The following PCCA variants were observed in gnomAD, a reference collection of about 807,000 sequenced individuals.
The protein encoded by PCCA is propionyl-CoA carboxylase alpha chain, mitochondrial.
Under a neutral mutation model 101.3 loss-of-function variants are expected in PCCA, and 74 were observed. The ratio of observed to expected loss-of-function variants is 0.73; its 90% CI spans 0.61 to 0.89. PCCA has a LOEUF of 0.89. Among genes scored for constraint, PCCA ranks in the 40% least tolerant of loss-of-function variants. PCCA has a pLI of 0.00. For missense variants in PCCA, 891 were observed against 907.0 expected (o/e 0.98, Z 0.23); for synonymous variants, 294 against 313.6 (o/e 0.94, Z 0.66).
intron 12 of PCCA, among the ~76,000 whole-genome samples, chr13:100,275,231 A>G (rs909652618): frequency 6.6e-6 from 1 of 152,046 alleles, no homozygotes; most frequent in Non-Finnish European, 1.5e-5. Flanking sequence ...CCGTGTCTTC[A>G]TGCCTGTGCC....
At chr13:100,091,313 C>T (rs776029884) in intron 1 of PCCA, among the ~76,000 whole-genome samples, 32 of 152,202 alleles carry the variant, frequency 2.1e-4, no homozygotes, top group Non-Finnish European at 2.5e-4. Context: ...GTAATACATA[C>T]GCTTTGATGA....
In PCCA at chr13:100,342,532, T is replaced by G. The variant is rs367869767; in HGVS notation, c.1643+2273T>G. ...ATCCACCCACCTGGGCCTCCCAAAGTGCTGGGATTATAGGCATGAGCCACC... is the reference window on the plus strand; with the variant it reads ...ATCCACCCACCTGGGCCTCCCAAAGGGCTGGGATTATAGGCATGAGCCACC... On this transcript the variant is annotated intron_variant, in intron 18 of 23. Coordinates refer to ENST00000376285, the MANE Select transcript of PCCA (RefSeq NM_000282.4). 9.9e-4 allele frequency among the ~76,000 whole-genome samples: 151 copies of G among 151,908 alleles called. 4 individuals carry two copies. The South Asian group carries it at 0.028, about 29-fold the overall frequency.
rs188032451 is a variant in PCCA at position 100,198,795 on chromosome 13, G to C, written c.469-10537G>C. The stretch of plus-strand genomic sequence containing the variant: ...ATTACAGGAGTGAGCCACCACACCC[G>C]GTCTGCAGTTGCCACATTTAACCTT... On this transcript the variant is annotated intron_variant, in intron 6 of 23. Transcript: ENST00000376285. Among the ~76,000 whole-genome samples the C allele has an allele frequency of 5.3e-5, 8 of 151,818 alleles. No homozygotes were observed. The East Asian group carries it at 1.5e-3, about 29-fold the overall frequency.
chr13:100,098,529 G>C (rs2046983645), intron 1 of PCCA, among the ~76,000 whole-genome samples: 1 of 152,166 alleles, frequency 6.6e-6, no homozygotes, highest in African/African-American at 2.4e-5. Context: ...GAGCTCTCAG[G>C]CTTGATGGAG....
At chr13:100,136,567 G>C (rs370256687) in intron 4 of PCCA, among the ~76,000 whole-genome samples, 6 of 152,208 alleles carry the variant, frequency 3.9e-5, no homozygotes, top group African/African-American at 1.4e-4. Flanking sequence ...ACGTATTCAA[G>C]TTCTTTAATA....
At chr13:100,455,707 C>CT (rs991687197) in intron 21 of PCCA, among the ~76,000 whole-genome samples, 78 of 148,830 alleles carry the variant, frequency 5.2e-4, no homozygotes, top group Admixed American at 1.3e-3. Context: ...TCGTTTCTTT[C>CT]TTTTTTTTTT....
In PCCA at chr13:100,165,036, T is replaced by A. The variant is rs1021499092; in HGVS notation, c.468+7696T>A. 3.3e-5 allele frequency among the ~76,000 whole-genome samples: 5 copies of A among 152,232 alleles called. No individual in the cohort carries two copies. In the East Asian group the frequency reaches 9.6e-4, roughly 29 times the overall value. On this transcript the variant is annotated intron_variant, in intron 6 of 23. Transcript: ENST00000376285. ...TCTTTAAGACTGAATAATAGTCTACTCTGTGGATATACCATATTTTGTTTC... is the reference window on the plus strand; with the variant it reads ...TCTTTAAGACTGAATAATAGTCTACACTGTGGATATACCATATTTTGTTTC...
intron 6 of PCCA, among the ~76,000 whole-genome samples, chr13:100,202,422 A>C (rs2058580534): frequency 6.6e-6 from 1 of 151,848 alleles, no homozygotes; most frequent in Non-Finnish European, 1.5e-5. Context: ...CTTTTGGTAT[A>C]AAATGTTGCT....
intron 21 of PCCA, among the ~76,000 whole-genome samples, chr13:100,504,110 C>T (rs2085891252): frequency 6.6e-6 from 1 of 152,016 alleles, no homozygotes; most frequent in Non-Finnish European, 1.5e-5. Flanking sequence ...TACAATAAGC[C>T]TATAACTATT....
intron 19 of PCCA, among the ~76,000 whole-genome samples, chr13:100,405,362 G>A (rs1263072574): frequency 1.3e-5 from 2 of 152,140 alleles, no homozygotes; most frequent in Admixed American, 6.6e-5. Flanking sequence ...TTGGTTTACA[G>A]GAACAAGCAG....
Position 100,520,187 on chromosome 13 carries a change from A to G in PCCA, c.2040+4620A>G, listed in dbSNP as rs143306689. The stretch of plus-strand genomic sequence containing the variant: ...CCTGTGCCCTTTGTTCACCATTTCC[A>G]TATGTGTTTCAAATTTTATTTAACA... On this transcript the variant is annotated intron_variant, in intron 22 of 23. Transcript: ENST00000376285. Among the ~76,000 whole-genome samples, 366 of 152,312 alleles carry G rather than the reference A, an allele frequency of 2.4e-3. 2 individuals are homozygous for G. Among genetic ancestry groups the G allele is most frequent in the African/African-American group, 8.5e-3 (352 of 41,568 alleles).
At chr13:100,098,399 C>T (rs2046971525) in intron 1 of PCCA, among the ~76,000 whole-genome samples, 1 of 152,032 alleles carries the variant, frequency 6.6e-6, no homozygotes, top group African/African-American at 2.4e-5. Context: ...TCGTGGCTGC[C>T]ATATTGGATG....
chr13:100,251,257 A>G (rs893222307), intron 8 of PCCA, among the ~76,000 whole-genome samples: 2 of 152,258 alleles, frequency 1.3e-5, no homozygotes, highest in Non-Finnish European at 2.9e-5. Context: ...CAGGAAGCTC[A>G]TATACAAAGT....
chr13:100,438,621 G>GC (rs1312355110), intron 20 of PCCA, among the ~76,000 whole-genome samples: 4 of 151,966 alleles, frequency 2.6e-5, no homozygotes, highest in African/African-American at 9.7e-5. Context: ...CCTCTGTAGA[G>GC]CACGTACACC....
chr13:100,490,234 C>G (rs1011847568), intron 21 of PCCA: 3 of 152,226 alleles, frequency 2.0e-5, no homozygotes, highest in African/African-American at 7.2e-5. Context: ...CGCATGTGAT[C>G]TCTGGAGTAG....
At chr13:100,335,894 G>C (rs2152744217) in intron 17 of PCCA, among the ~76,000 whole-genome samples, 1 of 152,318 alleles carries the variant, frequency 6.6e-6, no homozygotes, top group South Asian at 2.1e-4. Context: ...AAAGCTGCCA[G>C]TGGTCAACAA....
At chr13:100,488,078 C>T (rs1427559412) in intron 21 of PCCA, among the ~76,000 whole-genome samples, 3 of 151,744 alleles carry the variant, frequency 2.0e-5, no homozygotes, top group African/African-American at 7.3e-5. Flanking sequence ...CATTCTGCCT[C>T]TGTGCTTTTT....
chr13:100,094,932 C>T (rs945358789), intron 1 of PCCA, among the ~76,000 whole-genome samples: 5 of 152,202 alleles, frequency 3.3e-5, no homozygotes, highest in Admixed American at 3.3e-4. Context: ...TTTCCTAGAG[C>T]TGCTGTACAA....
At chr13:100,323,326 T>G (rs142315545) in intron 16 of PCCA, among the ~76,000 whole-genome samples, 1,526 of 151,744 alleles carry the variant, frequency 0.01, 14 homozygotes, top group African/African-American at 0.016. Flanking sequence ...TCTTTTTTTT[T>G]TTGTTGTTTT....
Sources: allele counts gnomAD v4.1 joint callset (sites outside exome capture counted in the v4.1 genomes callset), GRCh38; gene constraint gnomAD v4.1.1; transcripts MANE v1.5; gene names NCBI Gene and HGNC (gene_info 2026-07-23, HGNC 2026-07-21).